CYSLTR2: variants seen among roughly 807,000 people sequenced by gnomAD.
CYSLTR2 encodes the protein cysteinyl leukotriene receptor 2, also known as G-protein coupled receptor GPCR21.
For missense variants in CYSLTR2, 398 were observed against 411.9 expected, an observed-to-expected ratio of 0.97 and a Z score of 0.29; for synonymous variants, 179 against 160.8, an observed-to-expected ratio of 1.11 and a Z score of -0.86.
At position 48,708,710 on chromosome 13, in the gene CYSLTR2, A is replaced by G. The variant is rs2048720810; in HGVS notation, c.*852A>G. ...TTGGGATGGAAGCCAAAAATAAAAG[A>G]GGTGCCTCTGAGGATTAGGGTTGAG... On this transcript the variant is annotated 3_prime_UTR_variant, in exon 5 of 5. Transcript: ENST00000682523. The G allele has an allele frequency of 6.0e-6, 1 of 167,070 alleles. No individual in the cohort carries two copies. Among genetic ancestry groups the G allele is most frequent in the African/African-American group, 2.4e-5 (1 of 41,458 alleles). 10.3% of individuals were successfully genotyped at this position (167,070 alleles called of 1,614,324 possible).
chr13:48,662,405 T>C (rs1425417275), intron 1 of CYSLTR2, among the ~76,000 whole-genome samples: 2 of 152,232 alleles, frequency 1.3e-5, no homozygotes, highest in African/African-American at 4.8e-5. Context: ...ATGGTAATTC[T>C]ACTTTTAGTT....
chr13:48,670,680 G>A (rs781110192), intron 1 of CYSLTR2, among the ~76,000 whole-genome samples: 4 of 152,160 alleles, frequency 2.6e-5, no homozygotes, highest in Non-Finnish European at 4.4e-5. Context: ...GGTTACTGTA[G>A]CCTTGTAGTA....
intron 1 of CYSLTR2, among the ~76,000 whole-genome samples, chr13:48,675,112 T>G (rs1048402353): frequency 1.3e-5 from 2 of 152,116 alleles, no homozygotes; most frequent in African/African-American, 4.8e-5. Context: ...TAAGGACCCA[T>G]GGGGTTCAGG....
chr13:48,673,847 T>C (rs1251998849), intron 1 of CYSLTR2, among the ~76,000 whole-genome samples: 2 of 152,210 alleles, frequency 1.3e-5, no homozygotes, highest in African/African-American at 4.8e-5. Flanking sequence ...CATTTGCTTG[T>C]CTGTAAACGA....
At chr13:48,676,367 G>T (rs929886263) in intron 1 of CYSLTR2, among the ~76,000 whole-genome samples, 4 of 152,144 alleles carry the variant, frequency 2.6e-5, no homozygotes, top group African/African-American at 9.7e-5. Context: ...TACACTCTCT[G>T]AGTGAAATGA....
chr13:48,661,690 C>G (rs1475396862), intron 1 of CYSLTR2, among the ~76,000 whole-genome samples: 1 of 152,152 alleles, frequency 6.6e-6, no homozygotes, highest in Non-Finnish European at 1.5e-5. Flanking sequence ...CCAACTGTCT[C>G]CTGTGAACAC....
chr13:48,655,485 C>T (rs1329990058), intron 1 of CYSLTR2, among the ~76,000 whole-genome samples: 1 of 152,184 alleles, frequency 6.6e-6, no homozygotes. Flanking sequence ...TTTCTCCCAT[C>T]AGGGACTGAA....
In CYSLTR2 at chr13:48,696,020, C is replaced by T. The variant is rs116315523; in HGVS notation, c.-102-506C>T. ...GAATGACCGTATCATTTTACACTCTCACCAGCAATGTCTGAGTGATCCAGT... is the reference window on the plus strand; with the variant it reads ...GAATGACCGTATCATTTTACACTCTTACCAGCAATGTCTGAGTGATCCAGT... On this transcript the variant is annotated intron_variant, in intron 3 of 4. Transcript: ENST00000682523. Among the ~76,000 whole-genome samples, 1,031 of 152,338 alleles carry T rather than the reference C, an allele frequency of 6.8e-3. 9 individuals are homozygous for T. The highest frequency in any genetic ancestry group is 0.023 in the African/African-American group (959 of 41,578).
intron 4 of CYSLTR2, among the ~76,000 whole-genome samples, chr13:48,699,518 A>T (rs1239620123): frequency 6.6e-6 from 1 of 152,262 alleles, no homozygotes; most frequent in Non-Finnish European, 1.5e-5. Context: ...AATTTAAAGC[A>T]GTGTGTAGAG....
At chr13:48,670,243 A>T (rs975851761) in intron 1 of CYSLTR2, among the ~76,000 whole-genome samples, 4 of 152,046 alleles carry the variant, frequency 2.6e-5, no homozygotes, top group African/African-American at 4.8e-5. Context: ...TTCACTCTGA[A>T]GATAGTTTCT....
rs1245630833 is a variant in CYSLTR2, at chr13:48,710,402, G to A, written c.*2544G>A. 1 of 152,118 alleles carries A rather than the reference G, an allele frequency of 6.6e-6. No individual in the cohort carries two copies. Among genetic ancestry groups the A allele is most frequent in the South Asian group, 2.1e-4 (1 of 4,816 alleles). The allele number at this position is 152,118 out of a possible 1,614,324, so 9.4% of individuals were successfully genotyped here. On this transcript the variant is annotated 3_prime_UTR_variant, in exon 5 of 5. Transcript: ENST00000682523. ...CACTTAGTCATCATCCAGTTGCTCA[G>A]ATCAACTGTTGTGGTATAACAGTGC...
At chr13:48,680,467 C>CTT (rs1953717556) in intron 1 of CYSLTR2, among the ~76,000 whole-genome samples, 1 of 152,212 alleles carries the variant, frequency 6.6e-6, no homozygotes, top group Non-Finnish European at 1.5e-5. Context: ...CAGCATGTTT[C>CTT]GTTTTCTTCC....
At chr13:48,699,718 A>G (rs886107196) in intron 4 of CYSLTR2, among the ~76,000 whole-genome samples, 9 of 152,210 alleles carry the variant, frequency 5.9e-5, no homozygotes, top group Non-Finnish European at 1.0e-4. Flanking sequence ...AAAAAAATCA[A>G]TGAATCCAGG....
chr13:48,665,565 C>T (rs539569775), intron 1 of CYSLTR2, among the ~76,000 whole-genome samples: 1 of 151,942 alleles, frequency 6.6e-6, no homozygotes, highest in Admixed American at 6.6e-5. Flanking sequence ...ATATAATGTC[C>T]TTCTTTTCTC....
chr13:48,673,413 G>C (rs1022968740), intron 1 of CYSLTR2, among the ~76,000 whole-genome samples: 3 of 139,030 alleles, frequency 2.2e-5, no homozygotes, highest in African/African-American at 7.9e-5. Flanking sequence ...TCTTATCAGA[G>C]ACTAGGATTG....
At chr13:48,702,168 C>T (rs1406414603) in intron 4 of CYSLTR2, among the ~76,000 whole-genome samples, 4 of 150,162 alleles carry the variant, frequency 2.7e-5, no homozygotes, top group Admixed American at 1.3e-4. Flanking sequence ...GGACAGAAAA[C>T]CAAACACTGC....
At position 48,669,439 on chromosome 13, in the gene CYSLTR2, C is replaced by G. The variant is rs536212002; in HGVS notation, c.-266+15422C>G. On this transcript the variant is annotated intron_variant, in intron 1 of 4. Transcript: ENST00000682523. ...CTATCCCTCCCCTAGCCTCCCACCC[C>G]CTGAAAGGCCCCAGTGTGTGATGTT... is the stretch of plus-strand genomic sequence containing the variant. 5.9e-5 allele frequency among the ~76,000 whole-genome samples: 9 copies of G among 152,234 alleles called. No homozygotes were observed. In the South Asian group the frequency reaches 1.5e-3, roughly 25 times the overall value.
At chr13:48,704,031 C>T (rs1954417244) in intron 4 of CYSLTR2, among the ~76,000 whole-genome samples, 1 of 152,140 alleles carries the variant, frequency 6.6e-6, no homozygotes, top group African/African-American at 2.4e-5. Flanking sequence ...AAAGCATTTT[C>T]TCATTATCCT....
At chr13:48,695,879 G>A (rs916039175) in intron 3 of CYSLTR2, among the ~76,000 whole-genome samples, 5 of 152,182 alleles carry the variant, frequency 3.3e-5, no homozygotes, top group African/African-American at 1.2e-4. Flanking sequence ...TGACTTATAG[G>A]TTTTTATGTA....
Sources: gnomAD v4.1 joint callset for allele counts (sites outside exome capture counted in the v4.1 genomes callset) on GRCh38, gnomAD v4.1.1 for gene constraint, MANE v1.5 for transcripts, NCBI Gene and HGNC (gene_info 2026-07-23, HGNC 2026-07-21) for gene names.